The following EMP2 variants were observed in gnomAD, a reference collection of about 807,000 sequenced individuals.
The protein encoded by EMP2 is epithelial membrane protein 2.
EMP2 carries 19 observed loss-of-function variants against 13.7 expected under a neutral mutation model. The ratio of observed to expected loss-of-function variants is 1.38; its 90% CI spans 0.97 to 2.03. The LOEUF is 2.03. Among genes scored for constraint, EMP2 ranks in the 30% most tolerant of loss-of-function variants. EMP2 has a pLI of 0.00. For synonymous variants in EMP2, 97 were observed against 84.7 expected (o/e 1.15, Z -0.80); for missense variants, 253 against 220.7 (o/e 1.15, Z -0.93).
chr16:10,548,317 C>T (rs916176735), intron 1 of EMP2, among the ~76,000 whole-genome samples: 21 of 152,194 alleles, frequency 1.4e-4, no homozygotes, highest in African/African-American at 5.1e-4. Flanking sequence ...TCTGACGATT[C>T]CTGATCAGAG....
At chr16:10,574,256 C>T (rs971622216) in intron 1 of EMP2, among the ~76,000 whole-genome samples, 1 of 151,986 alleles carries the variant, frequency 6.6e-6, no homozygotes, top group Non-Finnish European at 1.5e-5. Context: ...TTTTTAACTG[C>T]AGTAAAATAC....
chr16:10,548,708 AAAAATAAAAT>A (rs567017300), intron 1 of EMP2, among the ~76,000 whole-genome samples: 18 of 152,244 alleles, frequency 1.2e-4, no homozygotes, highest in East Asian at 5.8e-4. Flanking sequence ...AAATAAAAAT[AAAAATAAAAT>A]AAAATAAAAT....
chr16:10,551,411 G>A (rs913703848), intron 1 of EMP2, among the ~76,000 whole-genome samples: 1 of 152,040 alleles, frequency 6.6e-6, no homozygotes, highest in African/African-American at 2.4e-5. Context: ...TAGGATTTTC[G>A]TTTGTTTGTT....
intron 1 of EMP2, among the ~76,000 whole-genome samples, chr16:10,557,372 A>AC (rs34037758): frequency 2.0e-5 from 3 of 150,172 alleles, no homozygotes; most frequent in Admixed American, 6.6e-5. Context: ...AAAAAAAAAA[A>AC]CCCAGAAAAC....
chr16:10,538,495 C>A (rs115168115), intron 3 of EMP2, among the ~76,000 whole-genome samples: 434 of 152,280 alleles, frequency 2.9e-3, no homozygotes, highest in African/African-American at 0.01. Flanking sequence ...GGACTCAGGG[C>A]TCATGGGACT....
chr16:10,565,846 C>T (rs2050903706), intron 1 of EMP2, among the ~76,000 whole-genome samples: 1 of 152,186 alleles, frequency 6.6e-6, no homozygotes, highest in Non-Finnish European at 1.5e-5. Flanking sequence ...ATGAGGTGGC[C>T]ATGCTGGAAA....
At chr16:10,556,046 C>T (rs1279060495) in intron 1 of EMP2, among the ~76,000 whole-genome samples, 1 of 152,108 alleles carries the variant, frequency 6.6e-6, no homozygotes, top group Non-Finnish European at 1.5e-5. Flanking sequence ...ACCCCATCTC[C>T]TTCCTTCCAT....
At chr16:10,569,341 T>C (rs1451251983) in intron 1 of EMP2, among the ~76,000 whole-genome samples, 1 of 152,236 alleles carries the variant, frequency 6.6e-6, no homozygotes, top group South Asian at 2.1e-4. Flanking sequence ...CTGTTTTGTT[T>C]TTTGTTTTTA....
chr16:10,536,502 A>G (rs1341616320), intron 4 of EMP2, among the ~76,000 whole-genome samples: 1 of 152,120 alleles, frequency 6.6e-6, no homozygotes, highest in Admixed American at 6.5e-5. Context: ...TCCCCTGCAC[A>G]CGCTCTCTTT....
intron 2 of EMP2, chr16:10,545,945 A>G (rs2050735683): frequency 6.6e-6 from 1 of 152,244 alleles, no homozygotes; most frequent in Non-Finnish European, 1.5e-5. Context: ...TATTGTGCTC[A>G]TCTCCCCTGA....
At position 10,533,005 on chromosome 16, in the gene EMP2, C is replaced by G. The variant is rs2050619703; in HGVS notation, c.404G>C (p.Arg135Thr). 6.2e-7 allele frequency: 1 copy of G among 1,612,308 alleles called. No homozygotes were observed. Among genetic ancestry groups the G allele is most frequent in the Admixed American group, 1.7e-5 (1 of 59,778 alleles). ...DKNAKFYPVT[R>T]EGSYGYSYIL... Reference sequence around the variant, plus strand: ...GTAGGAGTAGCCGTAGCTGCCTTCTCTGGTCACGGGATAGAATTTCGCGTT... The same window carrying G: ...GTAGGAGTAGCCGTAGCTGCCTTCTGTGGTCACGGGATAGAATTTCGCGTT... Residue 135 changes from arginine (R) to threonine (T), a missense_variant, in exon 5 of 5, where the codon AGA becomes ACA. Physicochemically the swap from Arg to Thr is moderately conservative, Grantham distance 71 (BLOSUM62 -1). Coordinates refer to ENST00000359543, the MANE Select transcript of EMP2 (RefSeq NM_001424.6).
chr16:10,555,736 C>T (rs7197356), intron 1 of EMP2, among the ~76,000 whole-genome samples: 28,334 of 151,952 alleles, frequency 0.19, 5,884 homozygotes, highest in African/African-American at 0.52. Flanking sequence ...TACAGGCATG[C>T]GCCACCACGC....
At chr16:10,562,143 C>A (rs894285590) in intron 1 of EMP2, among the ~76,000 whole-genome samples, 1 of 152,114 alleles carries the variant, frequency 6.6e-6, no homozygotes, top group Non-Finnish European at 1.5e-5. Context: ...ACCAATATCC[C>A]ACATGTGCAT....
chr16:10,562,313 A>G (rs2050876754), intron 1 of EMP2, among the ~76,000 whole-genome samples: 2 of 150,844 alleles, frequency 1.3e-5, no homozygotes, highest in Non-Finnish European at 2.9e-5. Context: ...TCTGGGCCAA[A>G]GCCTCAAGAA....
intron 1 of EMP2, among the ~76,000 whole-genome samples, chr16:10,572,238 T>C (rs1416490257): frequency 2.6e-5 from 4 of 152,070 alleles, no homozygotes; most frequent in African/African-American, 4.8e-5. Flanking sequence ...GGAGGATCAC[T>C]TGAGGCCAGG....
rs58665715 is a variant in EMP2 at position 10,571,255 on chromosome 16, C to CAAA, written c.-61+9291_-61+9293dup. ...CTGGTGACAGAGCAAGACTCCGTCT[C>CAAA]AAAAAAAAAAAAAAAAAAAAAAAAA... On this transcript the variant is annotated intron_variant, in intron 1 of 4. Coordinates refer to ENST00000359543, the MANE Select transcript of EMP2 (RefSeq NM_001424.6). Among the ~76,000 whole-genome samples, 31 of 33,430 alleles carry CAAA rather than the reference C, an allele frequency of 9.3e-4. 2 individuals are homozygous for CAAA. The highest frequency in any genetic ancestry group is 3.1e-3 in the Admixed American group (6 of 1,960). 21.9% of individuals were successfully genotyped at this position (33,430 alleles called of 152,430 possible). A position where few individuals can be genotyped will look rare whatever the true frequency, so the allele number is the denominator to read the frequency against.
intron 4 of EMP2, among the ~76,000 whole-genome samples, chr16:10,535,661 G>T (rs897315400): frequency 6.6e-6 from 1 of 152,130 alleles, no homozygotes; most frequent in Non-Finnish European, 1.5e-5. Context: ...AGTGAGCCAT[G>T]ATCACGCCAC....
intron 1 of EMP2, among the ~76,000 whole-genome samples, chr16:10,563,213 A>G (rs909026350): frequency 1.3e-5 from 2 of 151,980 alleles, no homozygotes; most frequent in African/African-American, 4.8e-5. Context: ...TTATTTTGAG[A>G]TGGAGTCTCA....
intron 3 of EMP2, among the ~76,000 whole-genome samples, chr16:10,543,240 AG>A (rs757308385): frequency 1.3e-5 from 2 of 152,258 alleles, no homozygotes; most frequent in African/African-American, 2.4e-5. Context: ...GGATAAAAAA[AG>A]AAGGGAAGAG....
Sources: gnomAD v4.1 joint callset for allele counts (sites outside exome capture counted in the v4.1 genomes callset) on GRCh38, gnomAD v4.1.1 for gene constraint, MANE v1.5 for transcripts, NCBI Gene and HGNC (gene_info 2026-07-23, HGNC 2026-07-21) for gene names.